The following ADGRB1 variants were observed in gnomAD, a reference collection of about 807,000 sequenced individuals.
ADGRB1 encodes the protein brain-specific angiogenesis inhibitor 1.
ADGRB1 carries 36 observed loss-of-function variants against 175.7 expected under a neutral mutation model. The observed-to-expected ratio is 0.20, with a 90% confidence interval of 0.16 to 0.27. The LOEUF (loss-of-function observed/expected upper bound fraction) is 0.27. ADGRB1 is among the 10% of genes least tolerant of loss of function. The pLI, the probability that ADGRB1 is intolerant of heterozygous loss-of-function variation, is 1.00. For synonymous variants in ADGRB1, 1,054 were observed against 979.4 expected (o/e 1.08, Z -1.42); for missense variants, 1,731 against 2,255.3 (o/e 0.77, Z 4.71).
intron 18 of ADGRB1, among the ~76,000 whole-genome samples, chr8:142,515,883 G>A (rs925455228): frequency 4.6e-5 from 7 of 152,248 alleles, no homozygotes; most frequent in African/African-American, 7.2e-5. Flanking sequence ...TGCCGGGCAC[G>A]GCATCACTGT....
At position 142,542,429 on chromosome 8, in the gene ADGRB1, C is replaced by T; in HGVS notation, c.4195C>T (p.Pro1399Ser). ...CCGCAGCCCGCCCTCCCGCCAGCCC[C>T]CCAGCGGCGGGCCCCCCGAGGCACC... ...PARSPPSRQP[P>S]SGGPPEAPPA... is the part of the protein sequence containing the mutation. Residue 1399 changes from proline to serine, a missense_variant, in exon 28 of 31, where the codon CCC becomes TCC. Pro to Ser is a moderately conservative substitution (Grantham distance 74). Transcript: ENST00000517894. This position sits in a 1 kb window ranked among gnomAD's most constrained non-coding sequence, Gnocchi z 6.3. 3 of 1,521,714 alleles carry T rather than the reference C, an allele frequency of 2.0e-6. No homozygotes were observed. The highest frequency in any genetic ancestry group is 2.6e-6 in the Non-Finnish European group (3 of 1,134,138). The allele number at this position is 1,521,714 out of a possible 1,614,324, so 94.3% of individuals were successfully genotyped here. A position where few individuals can be genotyped will look rare whatever the true frequency, so the allele number is the denominator to read the frequency against.
chr8:142,487,332 C>A lies in ADGRB1; in HGVS notation c.2309-1032C>A, dbSNP rs535584477. On this transcript the variant is annotated intron_variant, in intron 13 of 30. Transcript: ENST00000517894. The stretch of plus-strand genomic sequence containing the variant: ...GCAGCCCCTTGCCCCTGCAGGCCAC[C>A]TGCCCTTTGACATTTCTTCTTGTCC... Among the ~76,000 whole-genome samples, 6 of 152,268 alleles carry A rather than the reference C, an allele frequency of 3.9e-5. No homozygotes were observed. The East Asian group carries it at 1.2e-3, about 30-fold the overall frequency.
rs568595392 is a variant in ADGRB1, at chr8:142,454,372, C to T, written c.-220+4268C>T. Among the ~76,000 whole-genome samples the T allele has an allele frequency of 2.6e-5, 4 of 152,316 alleles. No homozygotes were observed. The South Asian group carries it at 8.3e-4, about 32-fold the overall frequency. ...AACACGGAACACCAGGGTGCCACGG[C>T]CCGAAAACCTGTGTCCCATTGTGGG... On this transcript the variant is annotated intron_variant, in intron 1 of 30. Transcript: ENST00000517894.
intron 16 of ADGRB1, 42 bp downstream of exon 16, chr8:142,489,480 G>A (rs751423900): frequency 2.6e-5 from 42 of 1,585,988 alleles, no homozygotes; most frequent in South Asian, 5.5e-5. Context: ...CAGCAGAAAC[G>A]CGTGTGCGCG....
In ADGRB1 at chr8:142,538,894, G is replaced by T. The variant is rs1587444867; in HGVS notation, c.3667-480G>T. 2.0e-5 allele frequency among the ~76,000 whole-genome samples: 3 copies of T among 152,166 alleles called. No individual in the cohort carries two copies. The South Asian group carries it at 6.2e-4, about 31-fold the overall frequency. On this transcript the variant is annotated intron_variant, in intron 26 of 30. Coordinates refer to ENST00000517894, the MANE Select transcript of ADGRB1 (RefSeq NM_001702.3). ...AGGCCCAGAGCCATTCCTGAGGCCT[G>T]GGGGGAGAGATGAGACCAGAGGAAG...
At chr8:142,500,546 C>G (rs1386454538) in intron 17 of ADGRB1, among the ~76,000 whole-genome samples, 1 of 151,642 alleles carries the variant, frequency 6.6e-6, no homozygotes. Context: ...CCGTGAGCCT[C>G]TTCCGCTCAG....
At chr8:142,490,965 C>T in intron 17 of ADGRB1, 150 bp downstream of exon 17, 1 of 1,094,910 alleles carries the variant, frequency 9.1e-7, no homozygotes, top group Non-Finnish European at 1.3e-6. Flanking sequence ...CACCACCTGT[C>T]ACTCACTGTC....
At chr8:142,481,759 T>C in intron 11 of ADGRB1, 48 bp downstream of exon 11, 5 of 1,449,506 alleles carry the variant, frequency 3.4e-6, no homozygotes, top group Non-Finnish European at 4.6e-6. Context: ...GGAAGGTGTC[T>C]GGGGAGCCCT....
intron 2 of ADGRB1, among the ~76,000 whole-genome samples, chr8:142,466,821 C>G (rs1440582778): frequency 1.3e-5 from 2 of 152,180 alleles, no homozygotes; most frequent in Admixed American, 1.3e-4. Flanking sequence ...ACAGGCACAC[C>G]TGGCCGTGCA....
intron 18 of ADGRB1, among the ~76,000 whole-genome samples, chr8:142,512,632 C>T (rs896869441): frequency 2.6e-5 from 4 of 152,216 alleles, no homozygotes; most frequent in African/African-American, 9.6e-5. Context: ...CTGGCTCTGC[C>T]TTAAGTCCCT....
intron 25 of ADGRB1, 86 bp from the exon 26 acceptor site, chr8:142,536,901 C>G: frequency 1.7e-6 from 2 of 1,176,972 alleles, no homozygotes; most frequent in Non-Finnish European, 2.3e-6. Flanking sequence ...GACGCCCGCC[C>G]CCCCACAGGT....
intron 17 of ADGRB1, among the ~76,000 whole-genome samples, chr8:142,507,669 G>A (rs1174781823): frequency 6.6e-6 from 1 of 152,230 alleles, no homozygotes; most frequent in African/African-American, 2.4e-5. Flanking sequence ...CTGGGAACCA[G>A]CCAGGCTGCT....
chr8:142,466,508 C>T (rs1213785698), intron 2 of ADGRB1, among the ~76,000 whole-genome samples: 1 of 152,186 alleles, frequency 6.6e-6, no homozygotes, highest in African/African-American at 2.4e-5. Context: ...AGGGAGGCAG[C>T]GCCCCTGGGC....
rs367609316 is a variant in ADGRB1, at chr8:142,505,943, G to A, written c.2676-4989G>A. ...AGGTGAAGCGGGGACCCAAGGCTCC[G>A]GGTGAGCGATGGCAGGCTGGCCGTG... is the stretch of plus-strand genomic sequence containing the variant. On this transcript the variant is annotated intron_variant, in intron 17 of 30. Transcript: ENST00000517894. Among the ~76,000 whole-genome samples, 28 of 152,296 alleles carry A rather than the reference G, an allele frequency of 1.8e-4. No individual in the cohort carries two copies. In the East Asian group the frequency reaches 4.1e-3, roughly 22 times the overall value.
rs370567413 is a variant in ADGRB1, at chr8:142,522,610, G to A, written c.3176-31G>A. ...GGAGGCTGGCTGGGGACTTGGGTGG[G>A]GCCAACACCCTCTCTCTGCTCCTTC... On this transcript the variant is annotated intron_variant, in intron 21 of 30. Coordinates refer to ENST00000517894, the MANE Select transcript of ADGRB1 (RefSeq NM_001702.3). The A allele has an allele frequency of 6.0e-4, 927 of 1,536,330 alleles. 3 individuals carry two copies. Among genetic ancestry groups the A allele is most frequent in the Non-Finnish European group, 5.5e-4 (622 of 1,141,244 alleles).
chr8:142,475,687 GT>G (rs1172321920), intron 3 of ADGRB1, 52 bp downstream of exon 3: 53 of 1,189,846 alleles, frequency 4.5e-5, no homozygotes, highest in Admixed American at 1.3e-4. Flanking sequence ...GGCGGGGCCT[GT>G]GAGGGAGGAG....
chr8:142,532,015 G>A (rs1844649826), intron 24 of ADGRB1, among the ~76,000 whole-genome samples: 1 of 152,130 alleles, frequency 6.6e-6, no homozygotes, highest in Non-Finnish European at 1.5e-5. Context: ...CCTTGTCCTG[G>A]CAGACTCCAG....
intron 18 of ADGRB1, among the ~76,000 whole-genome samples, chr8:142,516,772 G>T (rs137867216): frequency 6.6e-6 from 1 of 152,192 alleles, no homozygotes; most frequent in East Asian, 1.9e-4. Flanking sequence ...CATGTCAGGC[G>T]TGTGGCCTGC....
At chr8:142,538,023 C>T (rs964536805) in intron 26 of ADGRB1, among the ~76,000 whole-genome samples, 1 of 152,226 alleles carries the variant, frequency 6.6e-6, no homozygotes, top group South Asian at 2.1e-4. Context: ...ACAGCATCCA[C>T]GCCCTGGCCT....
Sources: gnomAD v4.1 joint callset for allele counts (sites outside exome capture counted in the v4.1 genomes callset) on GRCh38, gnomAD v4.1.1 for gene constraint, Gnocchi (gnomAD v3.1) non-coding constraint, MANE v1.5 for transcripts, NCBI Gene and HGNC (gene_info 2026-07-23, HGNC 2026-07-21) for gene names.